The following C12orf42 variants were observed in gnomAD, a reference collection of about 807,000 sequenced individuals.
C12orf42 encodes uncharacterized protein C12orf42.
In C12orf42, 25 loss-of-function variants were observed where a neutral mutation model predicts 21.6. The ratio of observed to expected loss-of-function variants is 1.16; its 90% CI spans 0.84 to 1.62. The LOEUF is 1.62. Ranked by LOEUF, C12orf42 falls within the 40% of genes most tolerant of loss-of-function variation. C12orf42 has a pLI of 0.00. For synonymous variants in C12orf42, 174 were observed against 175.0 expected (o/e 0.99, Z 0.05); for missense variants, 483 against 459.3 (o/e 1.05, Z -0.47).
intron 3 of C12orf42, among the ~76,000 whole-genome samples, chr12:103,373,599 A>G (rs998188042): frequency 2.0e-5 from 3 of 152,232 alleles, no homozygotes; most frequent in Non-Finnish European, 1.5e-5. Flanking sequence ...AGCAACTGTA[A>G]TTAGAGGACA....
chr12:103,072,214 A>G, the C12orf42 span, among the ~76,000 whole-genome samples: 1 of 152,184 alleles, frequency 6.6e-6, no homozygotes, highest in Non-Finnish European at 1.5e-5. Flanking sequence ...ACACATGGTA[A>G]GAGTTCATCA....
the C12orf42 span, among the ~76,000 whole-genome samples, chr12:103,102,806 C>A: frequency 9.2e-5 from 14 of 152,100 alleles, no homozygotes; most frequent in African/African-American, 3.4e-4. Flanking sequence ...AGGATGTATT[C>A]ACGATGATAG....
the C12orf42 span, among the ~76,000 whole-genome samples, chr12:103,098,257 A>G: frequency 1.3e-5 from 2 of 152,200 alleles, no homozygotes; most frequent in Admixed American, 6.5e-5. Flanking sequence ...CCTGTGGCCT[A>G]TTAGGTACCT....
downstream of C12orf42, among the ~76,000 whole-genome samples, chr12:103,301,466 A>T (rs1195937964): frequency 6.6e-6 from 1 of 152,230 alleles, no homozygotes; most frequent in Non-Finnish European, 1.5e-5. Flanking sequence ...TAAAATTACC[A>T]GTTTGATAAA....
At chr12:103,191,570 A>AAAAAAAC in the C12orf42 span, among the ~76,000 whole-genome samples, 11 of 129,024 alleles carry the variant, frequency 8.5e-5, no homozygotes, top group African/African-American at 3.2e-4. Context: ...AAAAAAAAAA[A>AAAAAAAC]AAAATACAAA....
At chr12:103,496,362 A>G (rs1955545619), upstream of C12orf42, among the ~76,000 whole-genome samples, 1 of 152,198 alleles carries the variant, frequency 6.6e-6, no homozygotes, top group Non-Finnish European at 1.5e-5. Context: ...TGCAGCCAAC[A>G]GCAGGGGGCA....
chr12:103,408,318 T>A (rs2048575528), intron 2 of C12orf42, among the ~76,000 whole-genome samples: 1 of 151,968 alleles, frequency 6.6e-6, no homozygotes, highest in South Asian at 2.1e-4. Flanking sequence ...GTCAGCAGAG[T>A]CAAGTGTTGA....
At chr12:103,329,658 C>T (rs1009182242) in intron 4 of C12orf42, among the ~76,000 whole-genome samples, 1 of 148,178 alleles carries the variant, frequency 6.7e-6, no homozygotes, top group African/African-American at 2.5e-5. Context: ...TAAATGATGC[C>T]ACTGCTCTTT....
intron 4 of C12orf42, among the ~76,000 whole-genome samples, chr12:103,356,876 G>GT (rs561648884): frequency 1.9e-3 from 290 of 151,582 alleles, no homozygotes; most frequent in African/African-American, 6.5e-3. Context: ...GGGGTTGTTT[G>GT]TTTTTTTCTT....
chr12:103,351,061 T>C (rs1348894156), intron 4 of C12orf42, among the ~76,000 whole-genome samples: 1 of 152,172 alleles, frequency 6.6e-6, no homozygotes, highest in African/African-American at 2.4e-5. Context: ...TTGTATATTT[T>C]AATGGTTTAT....
At chr12:103,199,543 A>G in the C12orf42 span, among the ~76,000 whole-genome samples, 3 of 152,324 alleles carry the variant, frequency 2.0e-5, no homozygotes, top group Middle Eastern at 3.4e-3. Context: ...ATGGGGGAAA[A>G]TATTTGTAAA....
chr12:103,064,904 G>A, the C12orf42 span, among the ~76,000 whole-genome samples: 2 of 152,194 alleles, frequency 1.3e-5, no homozygotes, highest in African/African-American at 4.8e-5. Context: ...CCAACTTACA[G>A]TGGGTCCAGT....
At chr12:103,077,595 G>T in the C12orf42 span, among the ~76,000 whole-genome samples, 1 of 152,292 alleles carries the variant, frequency 6.6e-6, no homozygotes, top group African/African-American at 2.4e-5. Flanking sequence ...CAGTGATAAA[G>T]GTGAAGAGAA....
At chr12:103,426,922 AC>A (rs1949859709) in intron 2 of C12orf42, among the ~76,000 whole-genome samples, 1 of 152,198 alleles carries the variant, frequency 6.6e-6, no homozygotes, top group Admixed American at 6.5e-5. Context: ...AGATTTTGTT[AC>A]CACCAGGCCT....
the C12orf42 span, among the ~76,000 whole-genome samples, chr12:103,111,438 C>T: frequency 6.6e-6 from 1 of 152,162 alleles, no homozygotes; most frequent in African/African-American, 2.4e-5. Context: ...ACATCATTTA[C>T]CATTCATTCG....
the C12orf42 span, among the ~76,000 whole-genome samples, chr12:103,070,421 A>T: frequency 2.0e-5 from 3 of 152,068 alleles, no homozygotes; most frequent in African/African-American, 7.2e-5. Flanking sequence ...AGAGCCTTTC[A>T]TCTTTGCAAT....
chr12:103,094,939 T>A, the C12orf42 span, among the ~76,000 whole-genome samples: 1 of 152,222 alleles, frequency 6.6e-6, no homozygotes, highest in African/African-American at 2.4e-5. Context: ...ATTTTATTAT[T>A]CTATGGACTG....
At chr12:103,417,714 A>G (rs1434085777) in intron 2 of C12orf42, among the ~76,000 whole-genome samples, 1 of 152,220 alleles carries the variant, frequency 6.6e-6, no homozygotes, top group Non-Finnish European at 1.5e-5. Context: ...GGAAAGTTAT[A>G]CTGGGTAGAC....
At chr12:103,131,530 A>G in the C12orf42 span, among the ~76,000 whole-genome samples, 1 of 152,218 alleles carries the variant, frequency 6.6e-6, no homozygotes. Context: ...AATCATCTGT[A>G]GTTGAGGTAA....
Sources: allele counts gnomAD v4.1 joint callset (sites outside exome capture counted in the v4.1 genomes callset), GRCh38; gene constraint gnomAD v4.1.1; transcripts MANE v1.5; gene names NCBI Gene and HGNC (gene_info 2026-07-23, HGNC 2026-07-21).